RBM44: variants seen among roughly 807,000 people sequenced by gnomAD.
RBM44 encodes RNA-binding protein 44.
A neutral mutation model predicts 105.1 loss-of-function variants in RBM44; 66 were observed. The observed-to-expected ratio is 0.63, with a 90% CI of 0.52 to 0.77. RBM44 has a LOEUF of 0.77. Ranked by LOEUF, RBM44 falls within the 30% of genes least tolerant of loss-of-function variation. RBM44 has a pLI of 0.00. For synonymous variants in RBM44, 365 were observed against 417.6 expected (o/e 0.87, Z 1.54); for missense variants, 1,122 against 1,207.8 (o/e 0.93, Z 1.05).
At chr2:237,801,617 G>A (rs1162237683) in intron 1 of RBM44, among the ~76,000 whole-genome samples, 4 of 152,126 alleles carry the variant, frequency 2.6e-5, no homozygotes, top group Admixed American at 1.3e-4. Context: ...GTGAGCCACC[G>A]CACCTGGCCA....
At chr2:237,809,056 T>A (rs1286685847) in intron 1 of RBM44, among the ~76,000 whole-genome samples, 2 of 152,238 alleles carry the variant, frequency 1.3e-5, no homozygotes, top group East Asian at 1.9e-4. Context: ...TATATATGAA[T>A]GTCCATTTCA....
At chr2:237,808,151 C>T (rs2150969783) in intron 1 of RBM44, among the ~76,000 whole-genome samples, 1 of 152,114 alleles carries the variant, frequency 6.6e-6, no homozygotes, top group Non-Finnish European at 1.5e-5. Flanking sequence ...ACAAATCATA[C>T]ATTAAAAATG....
At position 237,820,160 on chromosome 2, in the gene RBM44, C is replaced by T. The variant is rs2061768900; in HGVS notation, c.1737-15C>T. 2 of 1,427,774 alleles carry T rather than the reference C, an allele frequency of 1.4e-6. No homozygotes were observed. The highest frequency in any genetic ancestry group is 1.4e-5 in the South Asian group (1 of 73,164). The allele number at this position is 1,427,774 out of a possible 1,614,324, so 88.4% of individuals were successfully genotyped here. A position where few individuals can be genotyped will look rare whatever the true frequency, so the allele number is the denominator to read the frequency against. On this transcript the variant is annotated splice_polypyrimidine_tract_variant and intron_variant, in intron 4 of 15. Transcript: ENST00000316997. ...TGTTTGGAATCTTACCTGATCCTAT[C>T]TTTTATTTTTAAAGGGAATTTCAAC...
At chr2:237,822,789 T>C (rs993399197) in intron 8 of RBM44, among the ~76,000 whole-genome samples, 2 of 152,030 alleles carry the variant, frequency 1.3e-5, no homozygotes, top group Admixed American at 1.3e-4. Context: ...TACAAAACAA[T>C]ATTGATTTTA....
intron 1 of RBM44, among the ~76,000 whole-genome samples, chr2:237,804,578 A>C: frequency 6.6e-6 from 1 of 152,176 alleles, no homozygotes; most frequent in East Asian, 1.9e-4. Context: ...TTAGCTGCTC[A>C]TGTTTTCTCT....
At chr2:237,837,660 G>GATTCACAAAAAATTGCTGATCAAT (rs2061973493) in intron 15 of RBM44, among the ~76,000 whole-genome samples, 1 of 143,782 alleles carries the variant, frequency 7.0e-6, no homozygotes, top group Non-Finnish European at 1.6e-5. Flanking sequence ...AGCAAAGAAA[G>GATTCACAAAAAATTGCTGATCAAT]TGCTCTCTTT....
chr2:237,810,926 T>C (rs915671597), intron 1 of RBM44, among the ~76,000 whole-genome samples: 1 of 152,140 alleles, frequency 6.6e-6, no homozygotes, highest in Admixed American at 6.5e-5. Flanking sequence ...CCAGTTTGAA[T>C]TGGACAGGAG....
chr2:237,834,636 A>T (rs1443144334), intron 15 of RBM44: 1 of 226,292 alleles, frequency 4.4e-6, no homozygotes, highest in Non-Finnish European at 8.4e-6. Flanking sequence ...ACACTCATAA[A>T]CTCACAGTTT....
chr2:237,816,368 C>T (rs1000426723), intron 2 of RBM44, among the ~76,000 whole-genome samples: 9 of 152,012 alleles, frequency 5.9e-5, no homozygotes, highest in Non-Finnish European at 1.3e-4. Context: ...GCACTGGAGG[C>T]GCCCAAAGAT....
chr2:237,840,273 A>T lies in RBM44; in HGVS notation c.*23-1566A>T, dbSNP rs528964587. ...ACCTCAGAAAATAATGCACACTTGT[A>T]ACAATCTGATCTTCAACGAAGTCAA... On this transcript the variant is annotated intron_variant, in intron 15 of 15. Transcript: ENST00000316997. 4.6e-5 allele frequency among the ~76,000 whole-genome samples: 7 copies of T among 152,084 alleles called. 1 individual carries two copies. In the East Asian group the frequency reaches 1.4e-3, roughly 29 times the overall value.
At chr2:237,836,295 A>C (rs565475967) in intron 15 of RBM44, among the ~76,000 whole-genome samples, 1 of 152,246 alleles carries the variant, frequency 6.6e-6, no homozygotes, top group African/African-American at 2.4e-5. Flanking sequence ...TGTTTATAGC[A>C]TGGAGGTTTT....
chr2:237,827,878 C>G (rs1357584886), intron 12 of RBM44, among the ~76,000 whole-genome samples: 1 of 152,048 alleles, frequency 6.6e-6, no homozygotes, highest in African/African-American at 2.4e-5. Context: ...TAAATTTAGG[C>G]AAGTTACTTA....
chr2:237,833,942 T>G, intron 13 of RBM44, 55 bp from the exon 14 acceptor site: 1 of 962,414 alleles, frequency 1.0e-6, no homozygotes. Context: ...AGCGGTATTA[T>G]CTTTATGTAA....
chr2:237,836,029 T>C (rs988856322), intron 15 of RBM44, among the ~76,000 whole-genome samples: 8 of 152,152 alleles, frequency 5.3e-5, no homozygotes, highest in African/African-American at 9.7e-5. Flanking sequence ...AAACAGCAGA[T>C]TTTCAGTGTA....
intron 10 of RBM44, among the ~76,000 whole-genome samples, chr2:237,826,804 T>C (rs2061852370): frequency 6.6e-6 from 1 of 152,154 alleles, no homozygotes; most frequent in African/African-American, 2.4e-5. Flanking sequence ...GTATTTACAT[T>C]GTATTAGGTA....
rs541159798 is a variant in RBM44, at chr2:237,800,077, G to A, written c.-19+1216G>A. Among the ~76,000 whole-genome samples the A allele has an allele frequency of 4.2e-4, 64 of 152,304 alleles. 1 individual carries two copies. The highest frequency in any genetic ancestry group is 2.1e-3 in the South Asian group (10 of 4,816). On this transcript the variant is annotated intron_variant, in intron 1 of 15. Coordinates refer to ENST00000316997, the MANE Select transcript of RBM44 (RefSeq NM_001080504.3). ...AGTGCCAGACTTCTCCAGAGTGGCT[G>A]CACCATGTTACATTCCCATCGGCAA...
At position 237,837,749 on chromosome 2, in the gene RBM44, A is replaced by G. The variant is rs993517531; in HGVS notation, c.*22+3326A>G. Reference sequence around the variant, plus strand: ...GGTCTCAAACTTCTGGCCTCAAGCAATTCTCCCACTCAGCCTCCCAAAGTG... The same window carrying G: ...GGTCTCAAACTTCTGGCCTCAAGCAGTTCTCCCACTCAGCCTCCCAAAGTG... On this transcript the variant is annotated intron_variant, in intron 15 of 15. Transcript: ENST00000316997. 6.2e-5 allele frequency among the ~76,000 whole-genome samples: 9 copies of G among 144,760 alleles called. No individual in the cohort carries two copies. In the Admixed American group the frequency reaches 6.2e-4, roughly 10 times the overall value. 95.0% of individuals were successfully genotyped at this position (144,760 alleles called of 152,430 possible). A position where few individuals can be genotyped will look rare whatever the true frequency, so the allele number is the denominator to read the frequency against.
At chr2:237,835,204 C>T (rs544833314) in intron 15 of RBM44, among the ~76,000 whole-genome samples, 5 of 152,240 alleles carry the variant, frequency 3.3e-5, no homozygotes, top group South Asian at 2.1e-4. Context: ...TGTGTTCTGA[C>T]GACTCCACTC....
intron 2 of RBM44, among the ~76,000 whole-genome samples, chr2:237,815,325 G>A (rs2061703713): frequency 6.6e-6 from 1 of 152,132 alleles, no homozygotes; most frequent in Non-Finnish European, 1.5e-5. Context: ...ACATCTGGGT[G>A]TTTTATTACT....
Sources: gnomAD v4.1 joint callset for allele counts (sites outside exome capture counted in the v4.1 genomes callset) on GRCh38, gnomAD v4.1.1 for gene constraint, MANE v1.5 for transcripts, NCBI Gene and HGNC (gene_info 2026-07-23, HGNC 2026-07-21) for gene names.